The following VPS13C variants were observed in gnomAD, a reference collection of about 807,000 sequenced individuals.
VPS13C encodes the protein intermembrane lipid transfer protein VPS13C.
Under a neutral mutation model 456.8 loss-of-function variants are expected in VPS13C, and 358 were observed. The observed-to-expected ratio is 0.78, with a 90% CI of 0.72 to 0.86. The LOEUF (loss-of-function observed/expected upper bound fraction) is 0.86. Ranked by LOEUF, VPS13C falls within the 40% of genes least tolerant of loss-of-function variation. The probability of loss-of-function intolerance (pLI) is 0.00; values close to 1 mark genes in which losing one functional copy is unlikely to be tolerated. For missense variants in VPS13C, 4,818 were observed against 4,385.4 expected, an observed-to-expected ratio of 1.10 and a Z score of -2.79; for synonymous variants, 1,578 against 1,486.7, an observed-to-expected ratio of 1.06 and a Z score of -1.41.
chr15:62,000,289 C>T (rs1166668888), intron 16 of VPS13C, among the ~76,000 whole-genome samples: 2 of 152,052 alleles, frequency 1.3e-5, no homozygotes, highest in South Asian at 2.1e-4. Flanking sequence ...CACTTGCACC[C>T]GGGAGGCAGA....
intron 24 of VPS13C, among the ~76,000 whole-genome samples, chr15:61,975,601 C>A (rs772704038): frequency 6.6e-6 from 1 of 151,908 alleles, no homozygotes; most frequent in Non-Finnish European, 1.5e-5. Context: ...ATAATCTAGC[C>A]CTATATCTAT....
chr15:61,869,012 A>ACC (rs1894799510), intron 80 of VPS13C, among the ~76,000 whole-genome samples: 1 of 152,136 alleles, frequency 6.6e-6, no homozygotes, highest in Non-Finnish European at 1.5e-5. Context: ...TACTCTTTGT[A>ACC]TCCTTGGTGT....
chr15:61,869,281 C>T (rs1413256834), intron 80 of VPS13C, among the ~76,000 whole-genome samples: 3 of 151,976 alleles, frequency 2.0e-5, no homozygotes, highest in Non-Finnish European at 4.4e-5. Flanking sequence ...CCACGCCCAA[C>T]TAATTTTTGT....
intron 66 of VPS13C, among the ~76,000 whole-genome samples, chr15:61,896,493 C>T (rs1048602806): frequency 3.3e-5 from 5 of 152,242 alleles, no homozygotes; most frequent in South Asian, 2.1e-4. Context: ...GGGTGACGGA[C>T]GGGACCTGGA....
At chr15:61,872,110 A>G (rs1482608272) in intron 78 of VPS13C, 76 bp from the exon 79 acceptor site, 4 of 1,209,154 alleles carry the variant, frequency 3.3e-6, no homozygotes, top group Non-Finnish European at 4.7e-6. Context: ...AGAGGTCTCT[A>G]CAGACATACT....
intron 1 of VPS13C, among the ~76,000 whole-genome samples, chr15:62,046,372 A>AG (rs2048403106): frequency 6.6e-6 from 1 of 152,190 alleles, no homozygotes; most frequent in South Asian, 2.1e-4. Context: ...GTTCAGCAAC[A>AG]GGGGGAAAAA....
chr15:61,936,103 CA>C (rs1469465033), intron 48 of VPS13C, among the ~76,000 whole-genome samples: 1 of 152,028 alleles, frequency 6.6e-6, no homozygotes, highest in Admixed American at 6.6e-5. Flanking sequence ...TGGCTGAATT[CA>C]AAAGGTTCAC....
chr15:62,049,862 C>T (rs992865791), intron 1 of VPS13C, among the ~76,000 whole-genome samples: 12 of 152,122 alleles, frequency 7.9e-5, no homozygotes. Flanking sequence ...CTCTTTGAAG[C>T]AATTATGAAT....
chr15:61,991,888 C>CTTTT, intron 16 of VPS13C, 86 bp from the exon 17 acceptor site: 1 of 1,085,956 alleles, frequency 9.2e-7, no homozygotes, highest in Non-Finnish European at 1.3e-6. Context: ...AACAATGGTT[C>CTTTT]TTTTTTTTTT....
chr15:61,991,227 C>T (rs775230168), intron 17 of VPS13C, 133 bp from the exon 18 acceptor site: 14 of 646,166 alleles, frequency 2.2e-5, no homozygotes, highest in Non-Finnish European at 3.4e-5. Context: ...AGGTAATATC[C>T]TCTAATATAC....
Position 61,959,608 on chromosome 15 carries a change from G to C in VPS13C, c.3909-13C>G. On this transcript the variant is annotated splice_polypyrimidine_tract_variant and intron_variant, in intron 35 of 84. Transcript: ENST00000644861. ...CTGGATCACTGTCCTACGAAAAACA[G>C]AAATGTTACATAATGCATAGATATA... The C allele has an allele frequency of 6.2e-7, 1 of 1,606,208 alleles. No individual in the cohort carries two copies. Among genetic ancestry groups the C allele is most frequent in the Non-Finnish European group, 8.5e-7 (1 of 1,175,238 alleles).
intron 10 of VPS13C, 86 bp downstream of exon 10, chr15:62,013,847 C>T: frequency 2.0e-6 from 2 of 1,000,854 alleles, no homozygotes; most frequent in Admixed American, 4.2e-5. Context: ...ACTCCAATGG[C>T]ATATTCTGCT....
chr15:61,935,095 CAGA>C (rs1326962148), intron 48 of VPS13C, among the ~76,000 whole-genome samples: 1 of 152,090 alleles, frequency 6.6e-6, no homozygotes, highest in African/African-American at 2.4e-5. Context: ...TTTTCTTTAT[CAGA>C]AGAACAGAAT....
intron 16 of VPS13C, among the ~76,000 whole-genome samples, chr15:61,998,645 T>A (rs1180203005): frequency 6.6e-6 from 1 of 152,196 alleles, no homozygotes; most frequent in Non-Finnish European, 1.5e-5. Flanking sequence ...GGGATCAGAA[T>A]CCAGACCATC....
chr15:62,035,326 A>C (rs2047956259), intron 3 of VPS13C, among the ~76,000 whole-genome samples: 1 of 152,012 alleles, frequency 6.6e-6, no homozygotes, highest in Non-Finnish European at 1.5e-5. Context: ...AAAATGAATA[A>C]GTCAGCTATT....
chr15:61,922,612 C>T lies in VPS13C; in HGVS notation c.6760G>A (p.Val2254Ile), dbSNP rs753233257. ...TCCGTTATTTCTGTTGCCGTGTCAA[C>T]ACCAAGAAACCAAGTGTTATAATCA... is the stretch of plus-strand genomic sequence containing the variant. The part of the protein sequence containing the change: ...INDYNTWFLG[V>I]DTATEITESF... Residue 2254 changes from valine to isoleucine, a missense_variant, in exon 54 of 85, where the codon GTT becomes ATT. By Grantham distance (29) the Val-to-Ile change is conservative (BLOSUM62 3). Transcript: ENST00000644861. 2.7e-5 allele frequency: 43 copies of T among 1,613,950 alleles called. No individual in the cohort carries two copies. The highest frequency in any genetic ancestry group is 3.3e-5 in the Non-Finnish European group (39 of 1,179,994).
intron 16 of VPS13C, among the ~76,000 whole-genome samples, chr15:61,997,448 A>G (rs904735896): frequency 6.6e-6 from 1 of 152,068 alleles, no homozygotes; most frequent in African/African-American, 2.4e-5. Context: ...ACATTTCTAT[A>G]TCCAGCACAG....
At position 61,864,679 on chromosome 15, in the gene VPS13C, G is replaced by C. The variant is rs555892848; in HGVS notation, c.10864-1151C>G. The C allele has an allele frequency of 9.5e-4, 937 of 985,440 alleles. 2 individuals carry two copies. Among genetic ancestry groups the C allele is most frequent in the Non-Finnish European group, 1.0e-3 (863 of 829,654 alleles). The allele number at this position is 985,440 out of a possible 1,614,324, so 61.0% of individuals were successfully genotyped here. A position where few individuals can be genotyped will look rare whatever the true frequency, so the allele number is the denominator to read the frequency against. On this transcript the variant is annotated intron_variant, in intron 81 of 84. Transcript: ENST00000644861. ...GACAATTGCAAAAAGCCATGAATAA[G>C]GAAGAGGAATCCACAAAGAACTGGG...
At position 62,060,385 on chromosome 15, in the gene VPS13C, A is replaced by T. The variant is rs1173881931; in HGVS notation, c.-11T>A. ...CGACTCCAGCACCATGGTGGCGCTG[A>T]GGCACAAGGAGAGGGAGGAGCCGGA... On this transcript the variant is annotated 5_prime_UTR_variant, in exon 1 of 85. Coordinates refer to ENST00000644861, the MANE Select transcript of VPS13C (RefSeq NM_020821.3). The T allele has an allele frequency of 2.0e-6, 3 of 1,508,658 alleles. No individual in the cohort carries two copies. The highest frequency in any genetic ancestry group is 1.8e-6 in the Non-Finnish European group (2 of 1,103,456). The allele number at this position is 1,508,658 out of a possible 1,614,324, so 93.5% of individuals were successfully genotyped here. A position where few individuals can be genotyped will look rare whatever the true frequency, so the allele number is the denominator to read the frequency against.
Sources: allele counts gnomAD v4.1 joint callset (sites outside exome capture counted in the v4.1 genomes callset), GRCh38; gene constraint gnomAD v4.1.1; transcripts MANE v1.5; gene names NCBI Gene and HGNC (gene_info 2026-07-23, HGNC 2026-07-21).